Variants in TMEM87B observed in about 807,000 individuals in gnomAD.
TMEM87B encodes the protein transmembrane protein 87B.
Under a neutral mutation model 80.3 loss-of-function variants are expected in TMEM87B, and 83 were observed. That is an observed-to-expected ratio of 1.03 (90% CI 0.87 to 1.24). The LOEUF is 1.24. TMEM87B is among the 50% of genes most tolerant of loss of function. The probability of loss-of-function intolerance (pLI) is 0.00; values close to 1 mark genes in which losing one functional copy is unlikely to be tolerated. For synonymous variants in TMEM87B, 219 were observed against 230.5 expected, an observed-to-expected ratio of 0.95 and a Z score of 0.45; for missense variants, 625 against 674.4, an observed-to-expected ratio of 0.93 and a Z score of 0.81.
chr2:112,083,397 T>G (rs1264412025), intron 8 of TMEM87B, among the ~76,000 whole-genome samples: 1 of 152,208 alleles, frequency 6.6e-6, no homozygotes, highest in Admixed American at 6.5e-5. Context: ...TAAGTAAAAT[T>G]AAATTAAATT....
At position 112,081,496 on chromosome 2, in the gene TMEM87B, C is replaced by T; in HGVS notation, c.816C>T (p.Asn272=). The change falls in exon 8 of 19, where the codon AAC becomes AAT. Residue 272 remains asparagine (N), a synonymous_variant. Coordinates refer to ENST00000283206, the MANE Select transcript of TMEM87B (RefSeq NM_032824.3). ...CAGTTTTTTATAGTGAATACCAAAACATCAGCAACACTGGACTGTCAAGTA... is the reference window on the plus strand; with the variant it reads ...CAGTTTTTTATAGTGAATACCAAAATATCAGCAACACTGGACTGTCAAGTA... ...EKAVFYSEYQ[N]ISNTGLSTQG... 6.2e-7 allele frequency: 1 copy of T among 1,611,134 alleles called. No individual in the cohort carries two copies. The highest frequency in any genetic ancestry group is 1.3e-5 in the African/African-American group (1 of 74,936).
intron 4 of TMEM87B, 70 bp from the exon 5 acceptor site, chr2:112,074,842 A>T: frequency 1.4e-6 from 2 of 1,423,312 alleles, no homozygotes; most frequent in Non-Finnish European, 9.3e-7. Flanking sequence ...TTTTTTTCTT[A>T]ATTATTAAAA....
chr2:112,078,068 G>A (rs1678876083), intron 6 of TMEM87B, among the ~76,000 whole-genome samples: 1 of 152,156 alleles, frequency 6.6e-6, no homozygotes, highest in Non-Finnish European at 1.5e-5. Context: ...GCCCTTGGAG[G>A]GAAGCTGGCA....
At chr2:112,065,462 A>G (rs1678395875) in intron 3 of TMEM87B, among the ~76,000 whole-genome samples, 1 of 151,978 alleles carries the variant, frequency 6.6e-6, no homozygotes, top group South Asian at 2.1e-4. Context: ...CCTGGGCAAC[A>G]AGTGAGACCC....
chr2:112,112,076 T>C (rs1465738362), intron 17 of TMEM87B, among the ~76,000 whole-genome samples: 1 of 152,174 alleles, frequency 6.6e-6, no homozygotes, highest in Non-Finnish European at 1.5e-5. Context: ...CTAGTCAGTC[T>C]CCTGGCCCTC....
rs1399518087 is a variant in TMEM87B, at chr2:112,116,915, G to A, written c.*772G>A. ...GTGTGCTGGGGTGGGTGGTGGCCAC[G>A]TGGCTCCCCCAGAGCACTTCCTAAC... On this transcript the variant is annotated 3_prime_UTR_variant, in exon 19 of 19. Coordinates refer to ENST00000283206, the MANE Select transcript of TMEM87B (RefSeq NM_032824.3). The A allele has an allele frequency of 2.6e-5, 4 of 152,594 alleles. No homozygotes were observed. The highest frequency in any genetic ancestry group is 9.7e-5 in the African/African-American group (4 of 41,438). The allele number at this position is 152,594 out of a possible 1,614,324, so 9.5% of individuals were successfully genotyped here.
In TMEM87B at chr2:112,055,689, T is replaced by C; in HGVS notation, c.98T>C (p.Leu33Pro). The part of the protein sequence containing the change: ...APLLRVALCL[L>P]CWTPAAVRAV... ...CTGCTGCGCGTCGCCCTCTGCCTCC[T>C]GTGCTGGACCCCGGCGGCTGTGCGC... The change falls in exon 1 of 19, where the codon CTG becomes CCG. Residue 33 changes from leucine to proline, a missense_variant. Transcript: ENST00000283206. 1 of 1,566,168 alleles carries C rather than the reference T, an allele frequency of 6.4e-7. No homozygotes were observed. The highest frequency in any genetic ancestry group is 8.6e-7 in the Non-Finnish European group (1 of 1,161,770).
intron 9 of TMEM87B, among the ~76,000 whole-genome samples, chr2:112,088,579 T>C (rs1248191455): frequency 6.6e-6 from 1 of 152,156 alleles, no homozygotes; most frequent in Non-Finnish European, 1.5e-5. Flanking sequence ...TTTAAACCAG[T>C]TTTTTTCTTC....
chr2:112,059,613 G>T (rs1302161373), intron 1 of TMEM87B, among the ~76,000 whole-genome samples: 1 of 152,168 alleles, frequency 6.6e-6, no homozygotes, highest in Non-Finnish European at 1.5e-5. Flanking sequence ...GCTGGGAGAG[G>T]GGGACAGTTC....
intron 8 of TMEM87B, among the ~76,000 whole-genome samples, chr2:112,085,370 A>G (rs1679111789): frequency 6.6e-6 from 1 of 151,388 alleles, no homozygotes; most frequent in Non-Finnish European, 1.5e-5. Flanking sequence ...CAAATACTTA[A>G]CTCCTACTTA....
chr2:112,075,015 T>C lies in TMEM87B; in HGVS notation c.501+53T>C. ...AAATATACACAAGTTAACGTAAGAC[T>C]GAAAAAAGTCGCTGATGGATAGATA... On this transcript the variant is annotated intron_variant, in intron 5 of 18. Transcript: ENST00000283206. 5.8e-6 allele frequency: 9 copies of C among 1,551,990 alleles called. No individual in the cohort carries two copies. In the South Asian group the frequency reaches 5.8e-5, roughly 10 times the overall value.
At chr2:112,071,985 A>G (rs1391930949) in intron 4 of TMEM87B, among the ~76,000 whole-genome samples, 3 of 152,150 alleles carry the variant, frequency 2.0e-5, no homozygotes, top group Non-Finnish European at 4.4e-5. Flanking sequence ...AGAGTTTTTA[A>G]CATGAAAGGA....
chr2:112,095,843 T>G (rs1396031767), intron 11 of TMEM87B, among the ~76,000 whole-genome samples: 1 of 152,236 alleles, frequency 6.6e-6, no homozygotes. Flanking sequence ...CTTGTTGGTC[T>G]GCTCCAGAGG....
Position 112,081,135 on chromosome 2 carries a change from A to G in TMEM87B, c.654+17A>G, listed in dbSNP as rs1363732897. 3.1e-6 allele frequency: 5 copies of G among 1,610,386 alleles called. No individual in the cohort carries two copies. Among genetic ancestry groups the G allele is most frequent in the Non-Finnish European group, 4.2e-6 (5 of 1,178,804 alleles). On this transcript the variant is annotated intron_variant, in intron 7 of 18. Coordinates refer to ENST00000283206, the MANE Select transcript of TMEM87B (RefSeq NM_032824.3). ...CTAATGATTGTGAGTATTTCTCATC[A>G]TTTTTTCCTTTTTAAAAAATGAATT...
chr2:112,073,101 T>C (rs956463297), intron 4 of TMEM87B, among the ~76,000 whole-genome samples: 2 of 152,028 alleles, frequency 1.3e-5, no homozygotes, highest in African/African-American at 2.4e-5. Context: ...GGTTTCGCCA[T>C]GTTGGCCAGG....
At chr2:112,089,488 A>T (rs1679238748) in intron 9 of TMEM87B, 137 bp from the exon 10 acceptor site, 1 of 711,802 alleles carries the variant, frequency 1.4e-6, no homozygotes, top group Admixed American at 2.6e-5. Flanking sequence ...AAAACAAAGT[A>T]CCTCAGAGCC....
intron 16 of TMEM87B, among the ~76,000 whole-genome samples, chr2:112,106,522 G>A (rs1679773275): frequency 6.6e-6 from 1 of 151,098 alleles, no homozygotes; most frequent in Admixed American, 6.6e-5. Context: ...GTTATCTGTT[G>A]GTAAAGAACT....
chr2:112,100,473 A>G (rs1322372680), intron 14 of TMEM87B, 149 bp from the exon 15 acceptor site: 1 of 527,256 alleles, frequency 1.9e-6, no homozygotes, highest in Non-Finnish European at 3.3e-6. Flanking sequence ...ATTTTAGCTA[A>G]TTTGAAAGTA....
intron 1 of TMEM87B, 139 bp downstream of exon 1, chr2:112,055,895 T>G: frequency 8.6e-7 from 1 of 1,165,598 alleles, no homozygotes; most frequent in Non-Finnish European, 1.1e-6. Context: ...CTGAGCCTTT[T>G]GTCTGTTACA....
Sources: gnomAD v4.1 joint callset for allele counts (sites outside exome capture counted in the v4.1 genomes callset) on GRCh38, gnomAD v4.1.1 for gene constraint, MANE v1.5 for transcripts, NCBI Gene and HGNC (gene_info 2026-07-23, HGNC 2026-07-21) for gene names.